AGAP1: variants seen among roughly 807,000 people sequenced by gnomAD.
AGAP1 encodes arf-GAP with GTPase, ANK repeat and PH domain-containing protein 1.
Under a neutral mutation model 105.3 loss-of-function variants are expected in AGAP1, and 29 were observed. The observed-to-expected ratio is 0.28, with a 90% CI of 0.21 to 0.38. AGAP1 has a LOEUF of 0.38. Among genes scored for constraint, AGAP1 ranks in the 10% least tolerant of loss-of-function variants. The pLI, the probability that AGAP1 is intolerant of heterozygous loss-of-function variation, is 1.00. For missense variants in AGAP1, 998 were observed against 1,165.1 expected, an observed-to-expected ratio of 0.86 and a Z score of 2.09; for synonymous variants, 509 against 485.9, an observed-to-expected ratio of 1.05 and a Z score of -0.63.
chr2:235,661,955 G>A (rs528572384), intron 1 of AGAP1, among the ~76,000 whole-genome samples: 35 of 152,328 alleles, frequency 2.3e-4, no homozygotes, highest in African/African-American at 7.0e-4. Flanking sequence ...CAGAAAGAAA[G>A]GATGGCCAAC....
In AGAP1 at chr2:235,496,829, T is replaced by C. The variant is rs534929431; in HGVS notation, c.163+1980T>C. On this transcript the variant is annotated intron_variant, in intron 1 of 17. Coordinates refer to ENST00000304032, the MANE Select transcript of AGAP1 (RefSeq NM_001037131.3). ...ACAGCACGATGCCTACCTTTGCGATTTGAGATTTTAGGCCCCTTCTTGGCC... is the reference window on the plus strand; with the variant it reads ...ACAGCACGATGCCTACCTTTGCGATCTGAGATTTTAGGCCCCTTCTTGGCC... Among the ~76,000 whole-genome samples, 9 of 152,280 alleles carry C rather than the reference T, an allele frequency of 5.9e-5. No individual in the cohort carries two copies. The South Asian group carries it at 1.9e-3, about 32-fold the overall frequency.
intron 6 of AGAP1, chr2:235,783,445 C>G (rs1956404098): frequency 2.1e-6 from 1 of 466,658 alleles, no homozygotes; most frequent in South Asian, 1.6e-5. Flanking sequence ...TCACCATGTT[C>G]TCATAGAGTC....
intron 1 of AGAP1, among the ~76,000 whole-genome samples, chr2:235,520,573 C>T (rs1942576807): frequency 6.6e-6 from 1 of 152,174 alleles, no homozygotes; most frequent in African/African-American, 2.4e-5. Context: ...GAGGATCCCA[C>T]CTTCTATTTG....
chr2:235,917,837 TC>T (rs1022189813), intron 11 of AGAP1, among the ~76,000 whole-genome samples: 7 of 152,126 alleles, frequency 4.6e-5, no homozygotes, highest in Non-Finnish European at 7.4e-5. Context: ...GGATACATTA[TC>T]CCCGTTGTGT....
intron 6 of AGAP1, among the ~76,000 whole-genome samples, chr2:235,775,007 A>G (rs562378288): frequency 6.6e-6 from 1 of 152,018 alleles, no homozygotes; most frequent in African/African-American, 2.4e-5. Flanking sequence ...TATGGAAGAG[A>G]TTCCCCTGTA....
At chr2:235,727,770 T>C (rs1951722070) in intron 3 of AGAP1, among the ~76,000 whole-genome samples, 1 of 152,120 alleles carries the variant, frequency 6.6e-6, no homozygotes, top group Non-Finnish European at 1.5e-5. Flanking sequence ...CCCATATTGA[T>C]CATAATATAG....
At position 235,992,410 on chromosome 2, in the gene AGAP1, G is replaced by C. The variant is rs1366083899; in HGVS notation, c.1645+23787G>C. ...TTCACTCAATGAACTCCTGTGCTTT[G>C]AGTGTCTGGCGTTCAGTGGCAGGGG... On this transcript the variant is annotated intron_variant, in intron 13 of 17. Transcript: ENST00000304032. The surrounding 1 kb of genome is among the most constrained non-coding windows in gnomAD (Gnocchi z 4.8). 6.6e-6 allele frequency among the ~76,000 whole-genome samples: 1 copy of C among 152,168 alleles called. No homozygotes were observed. Among genetic ancestry groups the C allele is most frequent in the African/African-American group, 2.4e-5 (1 of 41,446 alleles).
chr2:235,613,248 G>C (rs543388333), intron 1 of AGAP1, among the ~76,000 whole-genome samples: 1 of 152,054 alleles, frequency 6.6e-6, no homozygotes, highest in Non-Finnish European at 1.5e-5. Context: ...TGCCTGCCTC[G>C]GCTTCCAAAA....
chr2:235,730,191 T>C (rs1250566572), intron 3 of AGAP1, among the ~76,000 whole-genome samples: 2 of 152,152 alleles, frequency 1.3e-5, no homozygotes, highest in African/African-American at 4.8e-5. Context: ...GATTATTATT[T>C]AATCTAAAGT....
intron 1 of AGAP1, among the ~76,000 whole-genome samples, chr2:235,576,890 C>T (rs903827926): frequency 6.6e-6 from 1 of 152,216 alleles, no homozygotes; most frequent in South Asian, 2.1e-4. Context: ...AATGGCCTCT[C>T]CATTGCTCCC....
intron 10 of AGAP1, among the ~76,000 whole-genome samples, chr2:235,895,746 G>GATGA (rs201556477): frequency 4.2e-5 from 3 of 70,938 alleles, no homozygotes; most frequent in African/African-American, 1.2e-4. Context: ...TGGATGGATG[G>GATGA]ATGAATGGAG....
chr2:236,124,205 T>G lies in AGAP1; in HGVS notation c.*83T>G. ...TCGCTCAGAAGTCGCAGCACGTGAGTCCCGTCGCATCCCCTCCCTCTTCCT... is the reference window on the plus strand; with the variant it reads ...TCGCTCAGAAGTCGCAGCACGTGAGGCCCGTCGCATCCCCTCCCTCTTCCT... On this transcript the variant is annotated 3_prime_UTR_variant, in exon 18 of 18. Coordinates refer to ENST00000304032, the MANE Select transcript of AGAP1 (RefSeq NM_001037131.3). This position sits in a 1 kb window ranked among gnomAD's most constrained non-coding sequence, Gnocchi z 5.1. The G allele has an allele frequency of 1.4e-6, 2 of 1,409,960 alleles. No individual in the cohort carries two copies. Among genetic ancestry groups the G allele is most frequent in the Non-Finnish European group, 1.9e-6 (2 of 1,030,284 alleles). The allele number at this position is 1,409,960 out of a possible 1,614,324, so 87.3% of individuals were successfully genotyped here.
At position 236,125,140 on chromosome 2, in the gene AGAP1, TGTGTTA is replaced by T. The variant is rs1380239827; in HGVS notation, c.*1021_*1026del. 3 of 162,796 alleles carry T rather than the reference TGTGTTA, an allele frequency of 1.8e-5. No homozygotes were observed. The highest frequency in any genetic ancestry group is 7.2e-5 in the African/African-American group (3 of 41,472). 10.1% of individuals were successfully genotyped at this position (162,796 alleles called of 1,614,324 possible). A position where few individuals can be genotyped will look rare whatever the true frequency, so the allele number is the denominator to read the frequency against. On this transcript the variant is annotated 3_prime_UTR_variant, in exon 18 of 18. Coordinates refer to ENST00000304032, the MANE Select transcript of AGAP1 (RefSeq NM_001037131.3). This position sits in a 1 kb window ranked among gnomAD's most constrained non-coding sequence, Gnocchi z 5.2. ...TTTGATGTCCTTTTGCCGAGGTGGA[TGTGTTA>T]GTCTCAGGCCCTCCTGGACCACGTT...
chr2:236,063,017 G>A (rs1158427624), intron 16 of AGAP1, among the ~76,000 whole-genome samples: 1 of 152,082 alleles, frequency 6.6e-6, no homozygotes, highest in African/African-American at 2.4e-5. Context: ...AGGGATCCTG[G>A]CCTCCAGTGA....
intron 16 of AGAP1, among the ~76,000 whole-genome samples, chr2:236,108,184 G>C (rs10182019): frequency 6.6e-6 from 1 of 152,218 alleles, no homozygotes; most frequent in Non-Finnish European, 1.5e-5. Context: ...GCATGCAAGG[G>C]GGAGGCAGCT....
chr2:235,709,993 A>ATG (rs1950766333), intron 2 of AGAP1, among the ~76,000 whole-genome samples: 1 of 152,156 alleles, frequency 6.6e-6, no homozygotes, highest in Non-Finnish European at 1.5e-5. Context: ...GTTTATATTT[A>ATG]TGTAGGTATC....
intron 8 of AGAP1, among the ~76,000 whole-genome samples, chr2:235,806,802 G>A (rs1957858275): frequency 6.6e-6 from 1 of 152,110 alleles, no homozygotes; most frequent in African/African-American, 2.4e-5. Flanking sequence ...CAGCTGACTA[G>A]TCAACAGAAT....
intron 1 of AGAP1, among the ~76,000 whole-genome samples, chr2:235,509,407 G>A (rs550819998): frequency 1.3e-5 from 2 of 151,664 alleles, no homozygotes; most frequent in Non-Finnish European, 2.9e-5. Context: ...GCTAATTTTT[G>A]TATTTTTAGT....
intron 9 of AGAP1, among the ~76,000 whole-genome samples, chr2:235,870,800 C>A (rs908796944): frequency 1.3e-5 from 2 of 152,186 alleles, no homozygotes; most frequent in African/African-American, 4.8e-5. Context: ...TCTGCCTTTC[C>A]CATAAGAACT....
Sources: gnomAD v4.1 joint callset for allele counts (sites outside exome capture counted in the v4.1 genomes callset) on GRCh38, gnomAD v4.1.1 for gene constraint, Gnocchi (gnomAD v3.1) non-coding constraint, MANE v1.5 for transcripts, NCBI Gene and HGNC (gene_info 2026-07-23, HGNC 2026-07-21) for gene names.